SDHA: variants seen among roughly 807,000 people sequenced by gnomAD.
The protein encoded by SDHA is succinate dehydrogenase complex flavoprotein subunit A.
In SDHA, 48 loss-of-function variants were observed where a neutral mutation model predicts 78.4. The observed-to-expected ratio is 0.61, with a 90% CI of 0.49 to 0.78. The LOEUF is 0.78. SDHA is among the 30% of genes least tolerant of loss of function. SDHA has a pLI of 0.00. For synonymous variants in SDHA, 326 were observed against 353.9 expected, an observed-to-expected ratio of 0.92 and a Z score of 0.88; for missense variants, 680 against 892.7, an observed-to-expected ratio of 0.76 and a Z score of 3.04.
the SDHA span, among the ~76,000 whole-genome samples, chr5:267,106 C>A: frequency 2.7e-4 from 41 of 152,326 alleles, no homozygotes; most frequent in African/African-American, 9.9e-4. Context: ...GTCCACTACT[C>A]AGTGAAAAGC....
chr5:227,269 G>C (rs62347675), intron 5 of SDHA, among the ~76,000 whole-genome samples: 36,529 of 152,064 alleles, frequency 0.24, 6,825 homozygotes, highest in African/African-American at 0.52. Flanking sequence ...CTTGGCCTCC[G>C]AAAGTGCTGG....
chr5:220,128 T>A (rs1449339844), intron 1 of SDHA: 2 of 205,522 alleles, frequency 9.7e-6, no homozygotes, highest in African/African-American at 4.6e-5. Context: ...GAGAATTTTT[T>A]AACCTCATTT....
At chr5:267,405 C>G in the SDHA span, among the ~76,000 whole-genome samples, 2 of 152,174 alleles carry the variant, frequency 1.3e-5, no homozygotes, top group Non-Finnish European at 2.9e-5. Flanking sequence ...AATAAGCGAA[C>G]AAAGTGGCTT....
At chr5:264,363 CA>C in the SDHA span, among the ~76,000 whole-genome samples, 1 of 152,196 alleles carries the variant, frequency 6.6e-6, no homozygotes, top group East Asian at 1.9e-4. Flanking sequence ...TGGCCCTGAG[CA>C]GCAGCTGAAG....
At chr5:226,905 G>A (rs1186473941) in intron 5 of SDHA, among the ~76,000 whole-genome samples, 1 of 144,250 alleles carries the variant, frequency 6.9e-6, no homozygotes, top group Admixed American at 7.0e-5. Flanking sequence ...CTCCAGCCTG[G>A]GCAACAGAAT....
intron 13 of SDHA, chr5:251,916 C>T (rs1364203867): frequency 8.7e-5 from 29 of 331,540 alleles, no homozygotes; most frequent in Middle Eastern, 1.1e-3. Flanking sequence ...AGTAAGCCAC[C>T]GTTTCAAACC....
rs762128553 is a variant in SDHA, at chr5:256,360, C to A, written c.1935C>A (p.Ile645=). Residue 645 remains isoleucine (I), a synonymous_variant, in exon 15 of 15, where the codon ATC becomes ATA. Transcript: ENST00000264932. ...GKVTLEYRPV[I]DKTLNEADCA... ...TCACTCTGGAATATAGACCCGTGAT[C>A]GACAAAACTTTGAACGAGGCTGACT... 2 of 1,613,776 alleles carry A rather than the reference C, an allele frequency of 1.2e-6. No individual in the cohort carries two copies. Among genetic ancestry groups the A allele is most frequent in the East Asian group, 2.2e-5 (1 of 44,890 alleles).
the SDHA span, among the ~76,000 whole-genome samples, chr5:266,331 G>T: frequency 5.3e-5 from 8 of 152,236 alleles, no homozygotes; most frequent in Non-Finnish European, 1.2e-4. Flanking sequence ...CCTGAAGCAT[G>T]ATAGGATGGC....
rs553330706 is a variant in SDHA at position 231,015 on chromosome 5, C to T, written c.895+15C>T. On this transcript the variant is annotated intron_variant, in intron 7 of 14. Transcript: ENST00000264932. ...CCACCCTACAGGTAGGGCAGGACGC[C>T]TTGCCCGGCAGGTGTTTGGCTTGTG... 5.6e-6 allele frequency: 9 copies of T among 1,613,874 alleles called. No individual in the cohort carries two copies. In the Admixed American group the frequency reaches 6.7e-5, roughly 12 times the overall value.
At chr5:239,659 G>C (rs1024187250) in intron 10 of SDHA, among the ~76,000 whole-genome samples, 1 of 152,040 alleles carries the variant, frequency 6.6e-6, no homozygotes, top group Admixed American at 6.5e-5. Flanking sequence ...CCTTCCCCCC[G>C]CTGATGTGAA....
intron 13 of SDHA, among the ~76,000 whole-genome samples, chr5:253,902 CAT>C (rs945130917): frequency 7.9e-5 from 12 of 152,060 alleles, no homozygotes; most frequent in African/African-American, 2.4e-4. Flanking sequence ...TCTACAAAAA[CAT>C]AAAAAATGAG....
chr5:219,913 T>C (rs1423941152), intron 1 of SDHA, among the ~76,000 whole-genome samples: 9 of 152,248 alleles, frequency 5.9e-5, no homozygotes, highest in African/African-American at 2.2e-4. Context: ...TTTATCTTGA[T>C]GAAGTTAGCT....
At position 240,404 on chromosome 5, in the gene SDHA, C is replaced by T. The variant is rs2126602710; in HGVS notation, c.1479C>T (p.Val493=). The change falls in exon 11 of 15, where the codon GTC becomes GTT. Residue 493 remains valine (V), a synonymous_variant. Transcript: ENST00000264932. The stretch of plus-strand genomic sequence containing the variant: ...AACCAAACGCTGGGGAAGAATCTGT[C>T]ATGAATCTTGACAAATTGAGATTTG... ...PIKPNAGEES[V]MNLDKLRFAD... The T allele has an allele frequency of 6.2e-7, 1 of 1,610,872 alleles. No individual in the cohort carries two copies. The highest frequency in any genetic ancestry group is 8.5e-7 in the Non-Finnish European group (1 of 1,178,346).
rs2126584661 is a variant in SDHA at position 235,210 on chromosome 5, C to T, written c.1131C>T (p.Ala377=). 2 of 1,613,972 alleles carry T rather than the reference C, an allele frequency of 1.2e-6. No homozygotes were observed. Among genetic ancestry groups the T allele is most frequent in the Non-Finnish European group, 1.7e-6 (2 of 1,179,866 alleles). The change falls in exon 9 of 15, where the codon GCC becomes GCT. Residue 377 remains alanine, a synonymous_variant. Coordinates refer to ENST00000264932, the MANE Select transcript of SDHA (RefSeq NM_004168.4). ...ACCACCTACCTCCAGAGCAGCTGGC[C>T]ACGCGCCTGCCTGGCATTTCAGAGA... ...QLHHLPPEQL[A]TRLPGISETA...
At position 224,908 on chromosome 5, in the gene SDHA, ACT is replaced by A. The variant is rs1385291751; in HGVS notation, c.312+392_312+393del. The A allele has an allele frequency of 1.1e-5, 4 of 348,314 alleles. No individual in the cohort carries two copies. In the Admixed American group the frequency reaches 1.7e-4, roughly 15 times the overall value. 21.6% of individuals were successfully genotyped at this position (348,314 alleles called of 1,614,324 possible). A position where few individuals can be genotyped will look rare whatever the true frequency, so the allele number is the denominator to read the frequency against. ...TGTCCCTGTGCTTCTGTCTTCTGGGACTCTCTGAGGGGTAAGACAGTGGTGGG... is the reference window on the plus strand; with the variant it reads ...TGTCCCTGTGCTTCTGTCTTCTGGGACTCTGAGGGGTAAGACAGTGGTGGG... On this transcript the variant is annotated intron_variant, in intron 3 of 14. Coordinates refer to ENST00000264932, the MANE Select transcript of SDHA (RefSeq NM_004168.4).
intron 1 of SDHA, among the ~76,000 whole-genome samples, chr5:223,188 T>G (rs1734815319): frequency 2.0e-5 from 3 of 152,236 alleles, no homozygotes; most frequent in Admixed American, 6.5e-5. Flanking sequence ...AGAGGAAGTG[T>G]GCCTTTTTCA....
At chr5:239,655 C>T (rs557335195) in intron 10 of SDHA, among the ~76,000 whole-genome samples, 41 of 152,296 alleles carry the variant, frequency 2.7e-4, no homozygotes, top group Admixed American at 1.3e-3. Flanking sequence ...GCCACCTTCC[C>T]CCCGCTGATG....
chr5:258,557 T>G (rs182085983), downstream of SDHA, among the ~76,000 whole-genome samples: 665 of 116,080 alleles, frequency 5.7e-3, 11 homozygotes, highest in African/African-American at 0.027. Context: ...TCTCAGAGCC[T>G]TGCCGTGAGC....
At chr5:242,677 G>A (rs56167047) in intron 11 of SDHA, among the ~76,000 whole-genome samples, 12,194 of 152,146 alleles carry the variant, frequency 0.08, 696 homozygotes, top group Non-Finnish European at 0.12. Context: ...ATGGGGGCTC[G>A]AATCTAGGTC....
Sources: allele counts gnomAD v4.1 joint callset (sites outside exome capture counted in the v4.1 genomes callset), GRCh38; gene constraint gnomAD v4.1.1; transcripts MANE v1.5; gene names NCBI Gene and HGNC (gene_info 2026-07-23, HGNC 2026-07-21).